The following SORBS2 variants were observed in gnomAD, a reference collection of about 807,000 sequenced individuals.
SORBS2 encodes the protein sorbin and SH3 domain containing 2, also known as sorbin and SH3 domain-containing protein 2.
SORBS2 carries 46 observed loss-of-function variants against 97.7 expected under a neutral mutation model. The ratio of observed to expected loss-of-function variants is 0.47; its 90% CI spans 0.37 to 0.60. The LOEUF is 0.60. Ranked by LOEUF, SORBS2 falls within the 20% of genes least tolerant of loss-of-function variation. The pLI, the probability that SORBS2 is intolerant of heterozygous loss-of-function variation, is 0.00. For missense variants in SORBS2, 1,316 were observed against 1,282.3 expected (o/e 1.03, Z -0.40); for synonymous variants, 476 against 473.4 (o/e 1.01, Z -0.07).
chr4:185,826,028 T>C (rs2099199569), intron 1 of SORBS2, among the ~76,000 whole-genome samples: 1 of 152,192 alleles, frequency 6.6e-6, no homozygotes. Context: ...TTAAAGTCCA[T>C]GGCTTACCAA....
At chr4:185,818,038 T>C (rs2099194358) in intron 1 of SORBS2, among the ~76,000 whole-genome samples, 1 of 152,134 alleles carries the variant, frequency 6.6e-6, no homozygotes, top group Admixed American at 6.5e-5. Context: ...CTGGAAATAG[T>C]AGATGTTCAG....
At chr4:185,954,391 T>C (rs1443139192) in intron 1 of SORBS2, among the ~76,000 whole-genome samples, 3 of 149,124 alleles carry the variant, frequency 2.0e-5, no homozygotes, top group Admixed American at 6.7e-5. Context: ...ATTATTTTGA[T>C]AGTGAATTAT....
intron 1 of SORBS2, among the ~76,000 whole-genome samples, chr4:185,822,779 T>C (rs2099197531): frequency 6.6e-6 from 1 of 152,188 alleles, no homozygotes; most frequent in Non-Finnish European, 1.5e-5. Flanking sequence ...ACCATGCCCC[T>C]TGCCTAGAGT....
chr4:185,786,150 G>GTT, intron 1 of SORBS2, among the ~76,000 whole-genome samples: 1 of 151,166 alleles, frequency 6.6e-6, no homozygotes, highest in Middle Eastern at 3.4e-3. Flanking sequence ...TATGTTTTGG[G>GTT]TTTTTTTTTC....
At chr4:185,801,668 C>G (rs775645196) in intron 1 of SORBS2, among the ~76,000 whole-genome samples, 1 of 43,360 alleles carries the variant, frequency 2.3e-5, no homozygotes, top group Non-Finnish European at 5.9e-5. Context: ...ACTGAATCAT[C>G]TCTCTCTCTC....
chr4:185,711,098 T>C lies in SORBS2; in HGVS notation c.-197-32276A>G, dbSNP rs150167282. Among the ~76,000 whole-genome samples the C allele has an allele frequency of 1.5e-3, 224 of 152,172 alleles. 3 individuals carry two copies. The highest frequency in any genetic ancestry group is 2.5e-3 in the Non-Finnish European group (169 of 68,012). ...GACCCTCCCACCTCAGCCTCTTGAG[T>C]AGCTGGGAGTACAGATATACACCAT... On this transcript the variant is annotated intron_variant, in intron 2 of 20. Coordinates refer to the SORBS2 transcript ENST00000284776.
chr4:185,768,270 G>GATCAC (rs2098948282), intron 2 of SORBS2, among the ~76,000 whole-genome samples: 1 of 152,156 alleles, frequency 6.6e-6, no homozygotes, highest in Non-Finnish European at 1.5e-5. Context: ...GGCCTAGACT[G>GATCAC]ATCACATTTT....
chr4:185,691,894 G>T (rs1034291851), intron 2 of SORBS2, among the ~76,000 whole-genome samples: 4 of 152,190 alleles, frequency 2.6e-5, no homozygotes, highest in Non-Finnish European at 4.4e-5. Context: ...ACAGGCACCC[G>T]CCACCACGCT....
chr4:185,865,749 CAG>C (rs2099226516), intron 1 of SORBS2, among the ~76,000 whole-genome samples: 1 of 152,194 alleles, frequency 6.6e-6, no homozygotes, highest in African/African-American at 2.4e-5. Context: ...GTTCTGGTCT[CAG>C]AGAACGCTAG....
intron 2 of SORBS2, among the ~76,000 whole-genome samples, chr4:185,730,461 G>C (rs184366584): frequency 1.4e-4 from 21 of 152,246 alleles, no homozygotes; most frequent in Admixed American, 1.3e-3. Flanking sequence ...ATTGTGTGCA[G>C]CACTGAGCTG....
chr4:185,724,034 C>T (rs531194902), intron 2 of SORBS2, among the ~76,000 whole-genome samples: 1 of 152,296 alleles, frequency 6.6e-6, no homozygotes, highest in East Asian at 1.9e-4. Context: ...CTCCTCTACT[C>T]GGCATGCCGA....
At chr4:185,609,942 A>G (rs544166260) in intron 12 of SORBS2, among the ~76,000 whole-genome samples, 1 of 152,332 alleles carries the variant, frequency 6.6e-6, no homozygotes, top group East Asian at 1.9e-4. Flanking sequence ...ACCATTAAGT[A>G]TTTCTTCCTA....
intron 5 of SORBS2, among the ~76,000 whole-genome samples, chr4:185,629,465 A>C (rs2096869822): frequency 6.6e-6 from 1 of 151,846 alleles, no homozygotes; most frequent in Non-Finnish European, 1.5e-5. Context: ...TAATGCTACT[A>C]GATAAATATT....
intron 1 of SORBS2, among the ~76,000 whole-genome samples, chr4:185,936,121 A>G (rs1051143840): frequency 7.2e-5 from 11 of 152,316 alleles, no homozygotes; most frequent in Non-Finnish European, 1.6e-4. Context: ...GGCCTCCCAA[A>G]CTACTGAGAT....
At chr4:185,673,898 C>G (rs2097757118) in intron 4 of SORBS2, among the ~76,000 whole-genome samples, 1 of 152,162 alleles carries the variant, frequency 6.6e-6, no homozygotes, top group African/African-American at 2.4e-5. Context: ...ACACATTTTC[C>G]TCACATGGCT....
intron 1 of SORBS2, among the ~76,000 whole-genome samples, chr4:185,829,032 C>T (rs945415230): frequency 4.6e-5 from 7 of 152,178 alleles, no homozygotes; most frequent in African/African-American, 1.4e-4. Flanking sequence ...TTTGGAACTG[C>T]GCTTTTTTTG....
In SORBS2 at chr4:185,756,286, G is replaced by A. The variant is rs375434163; in HGVS notation, c.-198+18941C>T. 9.9e-5 allele frequency among the ~76,000 whole-genome samples: 15 copies of A among 152,164 alleles called. No homozygotes were observed. The East Asian group carries it at 1.2e-3, about 12-fold the overall frequency. ...TAAAATTTAAAGATTTTTATAAATC[G>A]CATGAAAAATTTCCCCTTAGTATAG... On this transcript the variant is annotated intron_variant, in intron 2 of 20. Coordinates refer to the SORBS2 transcript ENST00000284776.
At chr4:185,715,378 A>T (rs567449590) in intron 2 of SORBS2, among the ~76,000 whole-genome samples, 1 of 152,280 alleles carries the variant, frequency 6.6e-6, no homozygotes, top group Non-Finnish European at 1.5e-5. Context: ...CCCCAAGGAG[A>T]TAGTAAAGTT....
At chr4:185,773,094 C>T (rs889800438) in intron 2 of SORBS2, 7 of 151,756 alleles carry the variant, frequency 4.6e-5, no homozygotes, top group African/African-American at 1.7e-4. Context: ...AATGGCTTGC[C>T]TGGGAATGGA....
Sources: allele counts gnomAD v4.1 joint callset (sites outside exome capture counted in the v4.1 genomes callset), GRCh38; gene constraint gnomAD v4.1.1; transcripts MANE v1.5; gene names NCBI Gene and HGNC (gene_info 2026-07-23, HGNC 2026-07-21).